UNC79: variants seen among roughly 807,000 people sequenced by gnomAD.
UNC79 encodes protein unc-79 homolog.
In UNC79, 37 loss-of-function variants were observed where a neutral mutation model predicts 283.1. That is an observed-to-expected ratio of 0.13 (90% CI 0.10 to 0.17). The LOEUF is 0.17. UNC79 is among the 10% of genes least tolerant of loss of function. The probability of loss-of-function intolerance (pLI) is 1.00; values close to 1 mark genes in which losing one functional copy is unlikely to be tolerated. For synonymous variants in UNC79, 1,107 were observed against 1,200.2 expected (o/e 0.92, Z 1.61); for missense variants, 2,272 against 3,211.1 (o/e 0.71, Z 7.07).
chr14:93,466,745 G>C, intron 1 of UNC79: 6 of 551,166 alleles, frequency 1.1e-5, no homozygotes, highest in Non-Finnish European at 1.2e-5. Context: ...AAGGACAAAT[G>C]GACAGTGTTG....
intron 1 of UNC79, among the ~76,000 whole-genome samples, chr14:93,435,729 A>AT (rs2056061598): frequency 6.6e-6 from 1 of 152,230 alleles, no homozygotes; most frequent in Non-Finnish European, 1.5e-5. Context: ...ACTCTCTGCC[A>AT]TAACTATTCA....
chr14:93,414,713 G>A (rs990387681), intron 1 of UNC79, among the ~76,000 whole-genome samples: 1 of 152,140 alleles, frequency 6.6e-6, no homozygotes. Flanking sequence ...TTGAGCAGTG[G>A]TTTGTAGTTC....
intron 41 of UNC79, among the ~76,000 whole-genome samples, chr14:93,679,494 A>G (rs2073652592): frequency 1.3e-5 from 2 of 152,080 alleles, no homozygotes; most frequent in South Asian, 4.2e-4. Flanking sequence ...ATTTGCATGT[A>G]CCACTCCCAG....
At position 93,547,590 on chromosome 14, in the gene UNC79, A is replaced by G. The variant is rs553598895; in HGVS notation, c.1755+4894A>G. 3.0e-4 allele frequency among the ~76,000 whole-genome samples: 46 copies of G among 152,340 alleles called. 2 individuals are homozygous for G. In the South Asian group the frequency reaches 9.5e-3, roughly 32 times the overall value. ...ACACTAAGAGATTTCAAAAGTAAAT[A>G]TAGGGAGCAACACAATTGTAAGAAA... On this transcript the variant is annotated intron_variant, in intron 14 of 48. Coordinates refer to ENST00000555664, the Ensembl canonical transcript of UNC79.
intron 1 of UNC79, among the ~76,000 whole-genome samples, chr14:93,396,692 G>A (rs1001891426): frequency 6.6e-6 from 1 of 151,666 alleles, no homozygotes. Context: ...GGTTAGCTTA[G>A]TGGTCAGCTA....
rs144134469 is a variant in UNC79 at position 93,651,469 on chromosome 14, G to T, written c.6084-2273G>T. On this transcript the variant is annotated intron_variant, in intron 35 of 48. Coordinates refer to ENST00000555664, the Ensembl canonical transcript of UNC79. ...TCTCAGCAATGTTTTTTAGTTTTCA[G>T]TGTAGAGGTCTTGCCATTTTTGTTA... is the stretch of plus-strand genomic sequence containing the variant. Among the ~76,000 whole-genome samples the T allele has an allele frequency of 5.1e-4, 77 of 152,210 alleles. No homozygotes were observed. The East Asian group carries it at 0.012, about 24-fold the overall frequency.
intron 14 of UNC79, among the ~76,000 whole-genome samples, chr14:93,553,508 A>G (rs1162835081): frequency 1.3e-5 from 2 of 152,160 alleles, no homozygotes; most frequent in Admixed American, 6.5e-5. Flanking sequence ...GCTGATTATA[A>G]ATCTTCTTTT....
intron 31 of UNC79, 43 bp downstream of exon 34, chr14:93,634,680 G>A: frequency 3.3e-6 from 5 of 1,500,620 alleles, no homozygotes; most frequent in Non-Finnish European, 4.6e-6. Context: ...TCGGATTAGT[G>A]AATGCTACTT....
At chr14:93,646,755 A>G (rs574422444) in intron 35 of UNC79, 109 bp downstream of exon 38, 1 of 1,220,642 alleles carries the variant, frequency 8.2e-7, no homozygotes, top group South Asian at 1.4e-5. Context: ...CGCGTCTGTA[A>G]TCTCAGCACT....
chr14:93,389,707 A>G (rs570701202), intron 1 of UNC79, among the ~76,000 whole-genome samples: 2 of 151,370 alleles, frequency 1.3e-5, no homozygotes, highest in Non-Finnish European at 2.9e-5. Context: ...GCTGGAGTGC[A>G]ATGGCATGAT....
chr14:93,475,568 G>T (rs929378781), intron 3 of UNC79, among the ~76,000 whole-genome samples: 2 of 151,732 alleles, frequency 1.3e-5, no homozygotes, highest in African/African-American at 4.9e-5. Flanking sequence ...CTTAAATCTA[G>T]CCACTTCTGC....
At chr14:93,442,733 A>G (rs1347014706) in intron 1 of UNC79, among the ~76,000 whole-genome samples, 2 of 152,186 alleles carry the variant, frequency 1.3e-5, no homozygotes, top group South Asian at 2.1e-4. Context: ...TTTGCAAAGC[A>G]CAGATTGATG....
chr14:93,624,382 C>CT (rs1184481909), intron 30 of UNC79, among the ~76,000 whole-genome samples: 1 of 152,076 alleles, frequency 6.6e-6, no homozygotes, highest in African/African-American at 2.4e-5. Context: ...ACTGGGACAC[C>CT]TTTTTATTGT....
intron 1 of UNC79, among the ~76,000 whole-genome samples, chr14:93,404,513 T>TATATATATATATATATATATATA: frequency 8.8e-6 from 1 of 113,286 alleles, no homozygotes; most frequent in Non-Finnish European, 1.8e-5. Flanking sequence ...TATATATATA[T>TATATATATATATATATATATATA]AAATATATAC....
intron 7 of UNC79, among the ~76,000 whole-genome samples, chr14:93,517,830 T>C (rs947885924): frequency 6.6e-6 from 1 of 151,994 alleles, no homozygotes; most frequent in African/African-American, 2.4e-5. Flanking sequence ...TTGACCAACA[T>C]TCCCCAAATT....
rs2055346587 is a variant in UNC79 at position 93,412,020 on chromosome 14, A to G, written c.-350-55651A>G. Among the ~76,000 whole-genome samples, 4 of 152,250 alleles carry G rather than the reference A, an allele frequency of 2.6e-5. No individual in the cohort carries two copies. In the South Asian group the frequency reaches 8.3e-4, roughly 31 times the overall value. On this transcript the variant is annotated intron_variant, in intron 1 of 49. Coordinates refer to the UNC79 transcript ENST00000256339. ...CAGATAATTCAAAATAGCTGTTTTGAGGAAACTCAAAGAAATTGAAGATAA... is the reference window on the plus strand; with the variant it reads ...CAGATAATTCAAAATAGCTGTTTTGGGGAAACTCAAAGAAATTGAAGATAA...
chr14:93,702,281 G>A (rs770536923), intron 47 of UNC79, among the ~76,000 whole-genome samples: 136 of 152,262 alleles, frequency 8.9e-4, no homozygotes, highest in Admixed American at 1.2e-3. Context: ...GGGACAGGGG[G>A]AGGCATGGAG....
Position 93,355,232 on chromosome 14 carries a change from C to T in UNC79, c.-351+21709C>T, listed in dbSNP as rs527537704. ...CCCCTGAGACAGAGTTTTGCTCTTT[C>T]GCCCAGGCTGGAGTGCAGTGGCACG... On this transcript the variant is annotated intron_variant, in intron 1 of 49. Transcript: ENST00000256339. Among the ~76,000 whole-genome samples the T allele has an allele frequency of 3.6e-3, 553 of 151,918 alleles. 5 individuals are homozygous for T. The highest frequency in any genetic ancestry group is 0.013 in the African/African-American group (528 of 41,420).
At chr14:93,664,349 G>A (rs1299351141) in intron 40 of UNC79, among the ~76,000 whole-genome samples, 3 of 152,086 alleles carry the variant, frequency 2.0e-5, no homozygotes, top group Non-Finnish European at 2.9e-5. Context: ...TTTTAATGTA[G>A]AGCTAATTTT....
Sources: allele counts gnomAD v4.1 joint callset (sites outside exome capture counted in the v4.1 genomes callset), GRCh38; gene constraint gnomAD v4.1.1; transcripts MANE v1.5; gene names NCBI Gene and HGNC (gene_info 2026-07-23, HGNC 2026-07-21).